Variants in AMOTL1 observed in about 807,000 individuals in gnomAD.
The protein encoded by AMOTL1 is angiomotin like 1.
A neutral mutation model predicts 102.9 loss-of-function variants in AMOTL1; 45 were observed. The observed-to-expected ratio is 0.44, with a 90% CI of 0.34 to 0.56. AMOTL1 has a LOEUF of 0.56. Ranked by LOEUF, AMOTL1 falls within the 20% of genes least tolerant of loss-of-function variation. AMOTL1 has a pLI of 0.01. For synonymous variants in AMOTL1, 481 were observed against 484.7 expected (o/e 0.99, Z 0.10); for missense variants, 1,114 against 1,225.6 (o/e 0.91, Z 1.36).
At chr11:94,813,686 A>G (rs911009476) in intron 3 of AMOTL1, among the ~76,000 whole-genome samples, 1 of 152,190 alleles carries the variant, frequency 6.6e-6, no homozygotes, top group African/African-American at 2.4e-5. Flanking sequence ...ATGTCGTCCC[A>G]TGTGTACAAG....
At chr11:94,725,640 C>G (rs756788071) in intron 1 of AMOTL1, among the ~76,000 whole-genome samples, 1 of 152,046 alleles carries the variant, frequency 6.6e-6, no homozygotes, top group Non-Finnish European at 1.5e-5. Context: ...CCTGTGGGAG[C>G]CTCTGAGGAA....
chr11:94,748,048 C>G (rs1950610135), intron 3 of AMOTL1, among the ~76,000 whole-genome samples: 1 of 152,194 alleles, frequency 6.6e-6, no homozygotes, highest in Non-Finnish European at 1.5e-5. Flanking sequence ...TCGTATTTCT[C>G]TTATTGCTCA....
intron 3 of AMOTL1, among the ~76,000 whole-genome samples, chr11:94,803,592 C>T (rs1951517582): frequency 6.6e-6 from 1 of 152,146 alleles, no homozygotes; most frequent in Non-Finnish European, 1.5e-5. Flanking sequence ...AGAATTGTGA[C>T]CACTCCCAAC....
intron 3 of AMOTL1, among the ~76,000 whole-genome samples, chr11:94,808,689 T>C (rs1951610055): frequency 6.6e-6 from 1 of 152,190 alleles, no homozygotes; most frequent in Admixed American, 6.5e-5. Flanking sequence ...CTAGGGTACA[T>C]GCACAATGGT....
intron 2 of AMOTL1, chr11:94,740,412 A>T (rs1322555707): frequency 6.6e-6 from 1 of 152,106 alleles, no homozygotes; most frequent in Non-Finnish European, 1.5e-5. Context: ...GGGAGTTGGG[A>T]GGCCGCGCGC....
intron 3 of AMOTL1, among the ~76,000 whole-genome samples, chr11:94,806,529 A>G (rs1951572113): frequency 6.6e-6 from 1 of 152,246 alleles, no homozygotes; most frequent in Non-Finnish European, 1.5e-5. Flanking sequence ...AAATGAGGCC[A>G]TGGAGCCTTA....
intron 2 of AMOTL1, chr11:94,796,982 G>T (rs534498681): frequency 1.0e-6 from 1 of 985,318 alleles, no homozygotes; most frequent in Non-Finnish European, 1.2e-6. Context: ...AAAAACGAGC[G>T]TGGCAGTTGA....
chr11:94,712,936 C>T (rs1950041203), intron 1 of AMOTL1, among the ~76,000 whole-genome samples: 1 of 151,894 alleles, frequency 6.6e-6, no homozygotes, highest in Non-Finnish European at 1.5e-5. Flanking sequence ...ATATTTTCTA[C>T]TTTTTCCTAA....
intron 2 of AMOTL1, among the ~76,000 whole-genome samples, chr11:94,732,804 G>A (rs1950375287): frequency 6.6e-6 from 1 of 152,194 alleles, no homozygotes; most frequent in African/African-American, 2.4e-5. Context: ...CTCTTTAGGG[G>A]AGAGGCAGGA....
At chr11:94,765,116 T>G (rs1242921377), upstream of AMOTL1, among the ~76,000 whole-genome samples, 1 of 152,198 alleles carries the variant, frequency 6.6e-6, no homozygotes, top group Non-Finnish European at 1.5e-5. Context: ...GACTGCTCTC[T>G]GGGCTGCCCC....
chr11:94,753,245 G>C (rs796680804), intron 3 of AMOTL1, among the ~76,000 whole-genome samples: 50 of 150,104 alleles, frequency 3.3e-4, no homozygotes, highest in African/African-American at 1.2e-3. Flanking sequence ...AAATCATTTA[G>C]AATAGTGCCT....
At chr11:94,729,108 C>A in intron 2 of AMOTL1, 1 of 1,208,448 alleles carries the variant, frequency 8.3e-7, no homozygotes. Flanking sequence ...GCTTCTGCAC[C>A]TCATTATGTC....
chr11:94,771,088 GA>G (rs995670284), intron 1 of AMOTL1, among the ~76,000 whole-genome samples: 3 of 151,964 alleles, frequency 2.0e-5, no homozygotes, highest in Non-Finnish European at 4.4e-5. Context: ...AAAGACTTTT[GA>G]AAAAAATAAT....
At chr11:94,838,007 A>G (rs905434228) in intron 6 of AMOTL1, among the ~76,000 whole-genome samples, 3 of 152,224 alleles carry the variant, frequency 2.0e-5, no homozygotes, top group African/African-American at 7.2e-5. Flanking sequence ...CAGGAAATCC[A>G]TGTTCAGGCC....
At chr11:94,810,702 G>T (rs1426782930) in intron 3 of AMOTL1, among the ~76,000 whole-genome samples, 1 of 151,868 alleles carries the variant, frequency 6.6e-6, no homozygotes, top group Non-Finnish European at 1.5e-5. Flanking sequence ...GGTCCCTTAT[G>T]CAGCAGAGTG....
intron 3 of AMOTL1, among the ~76,000 whole-genome samples, chr11:94,761,467 G>T (rs1393711072): frequency 2.0e-5 from 3 of 151,006 alleles, no homozygotes; most frequent in Non-Finnish European, 2.9e-5. Flanking sequence ...GGGATTACAG[G>T]CATGAGCGAC....
At chr11:94,838,637 A>C (rs1952231926) in intron 6 of AMOTL1, among the ~76,000 whole-genome samples, 1 of 152,230 alleles carries the variant, frequency 6.6e-6, no homozygotes, top group Non-Finnish European at 1.5e-5. Flanking sequence ...AAGAAGAAAG[A>C]ACCCTAACAA....
At chr11:94,870,094 A>G (rs1019587380) in intron 12 of AMOTL1, among the ~76,000 whole-genome samples, 4 of 152,204 alleles carry the variant, frequency 2.6e-5, no homozygotes, top group Non-Finnish European at 5.9e-5. Context: ...TACCATGGCC[A>G]TGGTCAGTGG....
At chr11:94,747,415 C>G (rs1950602264) in intron 3 of AMOTL1, among the ~76,000 whole-genome samples, 1 of 152,156 alleles carries the variant, frequency 6.6e-6, no homozygotes, top group Non-Finnish European at 1.5e-5. Flanking sequence ...GGCTAACTCC[C>G]CTGAGGGCCA....
Sources: gnomAD v4.1 joint callset for allele counts (sites outside exome capture counted in the v4.1 genomes callset) on GRCh38, gnomAD v4.1.1 for gene constraint, MANE v1.5 for transcripts, NCBI Gene and HGNC (gene_info 2026-07-23, HGNC 2026-07-21) for gene names.